The following COL25A1 variants were observed in gnomAD, a reference collection of about 807,000 sequenced individuals.
The protein encoded by COL25A1 is collagen type XXV alpha 1 chain, also known as collagen alpha-1(XXV) chain.
A neutral mutation model predicts 128.4 loss-of-function variants in COL25A1; 103 were observed. The observed-to-expected ratio is 0.80, with a 90% CI of 0.68 to 0.94. The LOEUF (loss-of-function observed/expected upper bound fraction) is 0.94, where lower values mean the gene tolerates loss of function less well. Among genes scored for constraint, COL25A1 ranks in the 40% least tolerant of loss-of-function variants. COL25A1 has a pLI of 0.00. For synonymous variants in COL25A1, 279 were observed against 277.2 expected, an observed-to-expected ratio of 1.01 and a Z score of -0.06; for missense variants, 745 against 840.0, an observed-to-expected ratio of 0.89 and a Z score of 1.40.
intron 6 of COL25A1, among the ~76,000 whole-genome samples, chr4:108,994,577 A>C (rs1330383981): frequency 6.6e-6 from 1 of 152,204 alleles, no homozygotes; most frequent in Non-Finnish European, 1.5e-5. Flanking sequence ...TACAGACTTA[A>C]ATGTCCCTGT....
chr4:109,073,153 G>A (rs894277593), intron 3 of COL25A1, among the ~76,000 whole-genome samples: 23 of 152,138 alleles, frequency 1.5e-4, no homozygotes, highest in African/African-American at 5.6e-4. Flanking sequence ...GTGTGGGGGA[G>A]GGGCGCATGT....
chr4:108,960,043 C>A lies in COL25A1; in HGVS notation c.492+14324G>T, dbSNP rs557450052. Among the ~76,000 whole-genome samples, 9 of 152,126 alleles carry A rather than the reference C, an allele frequency of 5.9e-5. No individual in the cohort carries two copies. The South Asian group carries it at 1.9e-3, about 32-fold the overall frequency. ...GTACTGAACTTATTTAAAAAGGCAGCAAAAATAGAATGGCTTCATAATGTT... is the reference window on the plus strand; with the variant it reads ...GTACTGAACTTATTTAAAAAGGCAGAAAAAATAGAATGGCTTCATAATGTT... On this transcript the variant is annotated intron_variant, in intron 8 of 37. Transcript: ENST00000399132.
intron 16 of COL25A1, among the ~76,000 whole-genome samples, chr4:108,893,642 A>G (rs1264373320): frequency 6.6e-6 from 1 of 152,180 alleles, no homozygotes; most frequent in Non-Finnish European, 1.5e-5. Context: ...GGAAAAAAAA[A>G]TCCTATTAAA....
chr4:109,072,407 G>A (rs570296458), intron 3 of COL25A1, among the ~76,000 whole-genome samples: 8 of 152,228 alleles, frequency 5.3e-5, no homozygotes, highest in African/African-American at 1.9e-4. Flanking sequence ...TTGTATGGAT[G>A]AGTTTTGAGA....
Position 108,820,037 on chromosome 4 carries a change from A to G in COL25A1, c.1846-708T>C, listed in dbSNP as rs1158240530. The G allele has an allele frequency of 7.5e-6, 3 of 397,902 alleles. No individual in the cohort carries two copies. In the Admixed American group the frequency reaches 1.3e-4, roughly 18 times the overall value. The allele number at this position is 397,902 out of a possible 1,614,324, so 24.6% of individuals were successfully genotyped here. Reference sequence around the variant, plus strand: ...GATTTAGGTAAGGCATGATATTATAACAGCTAACATATTTTCAGAGTGACA... The same window carrying G: ...GATTTAGGTAAGGCATGATATTATAGCAGCTAACATATTTTCAGAGTGACA... On this transcript the variant is annotated intron_variant, in intron 35 of 37. Coordinates refer to ENST00000399132, the MANE Select transcript of COL25A1 (RefSeq NM_198721.4).
chr4:109,278,471 T>G (rs1344433252), intron 3 of COL25A1, among the ~76,000 whole-genome samples: 1 of 152,228 alleles, frequency 6.6e-6, no homozygotes, highest in Non-Finnish European at 1.5e-5. Context: ...ATGTTTTTCC[T>G]AAGAAAGTTA....
At chr4:109,013,502 G>GTTCTTCACACTGTGTAGGCTTTA (rs1756883565) in intron 5 of COL25A1, among the ~76,000 whole-genome samples, 1 of 151,638 alleles carries the variant, frequency 6.6e-6, no homozygotes, top group African/African-American at 2.4e-5. Flanking sequence ...TGTAGGCTTT[G>GTTCTTCACACTGTGTAGGCTTTA]TTCTTTCACT....
chr4:109,048,172 G>A lies in COL25A1; in HGVS notation c.416C>T (p.Pro139Leu), dbSNP rs776353655. The change falls in exon 5 of 38, where the codon CCT becomes CTT. Residue 139 changes from proline to leucine, a missense_variant. This residue lies in a region of COL25A1 where 319 missense variants were observed against 324.9 expected (regional missense o/e 0.98). Transcript: ENST00000399132. ...GKRGRRGESG[P>L]PGQPGPQGPP... ...AAGTGCAGCAAACATACTTACAGGA[G>A]GACCTATGGGGGGAGCAGGTGGAGA... 1 of 1,612,816 alleles carries A rather than the reference G, an allele frequency of 6.2e-7. No homozygotes were observed. Among genetic ancestry groups the A allele is most frequent in the Non-Finnish European group, 8.5e-7 (1 of 1,178,972 alleles).
chr4:109,006,877 T>C (rs1648012), intron 6 of COL25A1, among the ~76,000 whole-genome samples: 80,767 of 151,764 alleles, frequency 0.53, 23,311 homozygotes, highest in African/African-American at 0.75. Context: ...ATGGACTCAT[T>C]GTGGGGAGCA....
chr4:109,136,871 C>T (rs1473821186), intron 3 of COL25A1, among the ~76,000 whole-genome samples: 1 of 152,246 alleles, frequency 6.6e-6, no homozygotes, highest in Admixed American at 6.5e-5. Context: ...TGCCCTCACT[C>T]TTCCATGGAT....
At chr4:109,204,930 A>T (rs1578432705) in intron 3 of COL25A1, among the ~76,000 whole-genome samples, 1 of 152,172 alleles carries the variant, frequency 6.6e-6, no homozygotes, top group Admixed American at 6.6e-5. Context: ...TTGATTTTGT[A>T]CTATAGAGTA....
rs777596695 is a variant in COL25A1, at chr4:109,003,786, C to T, written c.438+6572G>A. 2.1e-4 allele frequency among the ~76,000 whole-genome samples: 31 copies of T among 151,058 alleles called. No individual in the cohort carries two copies. In the Middle Eastern group the frequency reaches 0.01, roughly 50 times the overall value. On this transcript the variant is annotated intron_variant, in intron 6 of 37. Transcript: ENST00000399132. ...TTGCACTCCAGCCTGGGCAACAGAG[C>T]GAGACTCCATCTCAAAAACAAAAAC...
rs558849143 is a variant in COL25A1 at position 108,810,454 on chromosome 4, T to G, written c.*3473A>C. ...TTTCTTCTGGTAGGAATTAAAGATA[T>G]TCTAATGTCCTCTATAAAATCACAT... On this transcript the variant is annotated 3_prime_UTR_variant, in exon 38 of 38. Transcript: ENST00000399132. The G allele has an allele frequency of 6.6e-6, 1 of 151,952 alleles. No individual in the cohort carries two copies. Among genetic ancestry groups the G allele is most frequent in the Non-Finnish European group, 1.5e-5 (1 of 67,844 alleles). 9.4% of individuals were successfully genotyped at this position (151,952 alleles called of 1,614,324 possible). A position where few individuals can be genotyped will look rare whatever the true frequency, so the allele number is the denominator to read the frequency against.
intron 3 of COL25A1, among the ~76,000 whole-genome samples, chr4:109,101,711 T>G (rs1484846963): frequency 2.6e-5 from 4 of 152,192 alleles, no homozygotes; most frequent in Non-Finnish European, 5.9e-5. Flanking sequence ...TTATTATCTC[T>G]TTCATGAAAT....
intron 3 of COL25A1, among the ~76,000 whole-genome samples, chr4:109,210,058 A>G (rs1777373094): frequency 6.6e-6 from 1 of 152,016 alleles, no homozygotes; most frequent in African/African-American, 2.4e-5. Context: ...CTCAAAAAAA[A>G]AAAAAAGTAA....
chr4:108,980,222 G>C (rs1267028370), intron 6 of COL25A1, among the ~76,000 whole-genome samples: 11 of 152,214 alleles, frequency 7.2e-5, no homozygotes, highest in Non-Finnish European at 1.2e-4. Context: ...TTCTTAGGAA[G>C]TATTTGCCTT....
chr4:108,850,764 G>C (rs951246207), intron 26 of COL25A1, among the ~76,000 whole-genome samples: 3 of 152,062 alleles, frequency 2.0e-5, no homozygotes, highest in Admixed American at 2.0e-4. Flanking sequence ...CCATAGAGTA[G>C]AGGCTCAAAA....
At position 109,200,804 on chromosome 4, in the gene COL25A1, TGTAAGTATGCCTCA is replaced by T. The variant is rs561447417; in HGVS notation, c.367+99765_367+99778del. On this transcript the variant is annotated intron_variant, in intron 3 of 37. Transcript: ENST00000399132. ...CTTTGTTAGTTCTTATTTCTCTATG[TGTAAGTATGCCTCA>T]AGGTCTTTTTCAGATCTTTCATCTC... 6.6e-5 allele frequency among the ~76,000 whole-genome samples: 10 copies of T among 152,224 alleles called. No homozygotes were observed. In the South Asian group the frequency reaches 1.9e-3, roughly 28 times the overall value.
chr4:109,037,907 C>T (rs1759511161), intron 5 of COL25A1, among the ~76,000 whole-genome samples: 1 of 152,098 alleles, frequency 6.6e-6, no homozygotes, highest in African/African-American at 2.4e-5. Flanking sequence ...TCAAATCAGA[C>T]ATGCATATTT....
Sources: allele counts gnomAD v4.1 joint callset (sites outside exome capture counted in the v4.1 genomes callset), GRCh38; gene constraint gnomAD v4.1.1; regional missense constraint gnomAD v4.1.1; transcripts MANE v1.5; gene names NCBI Gene and HGNC (gene_info 2026-07-23, HGNC 2026-07-21).